Variants in ZNF607 observed in about 807,000 individuals in gnomAD.
ZNF607 encodes zinc finger protein 607.
In ZNF607, 5 loss-of-function variants were observed where a neutral mutation model predicts 12.8. The observed-to-expected ratio is 0.39, with a 90% CI of 0.20 to 0.82. The LOEUF (loss-of-function observed/expected upper bound fraction) is 0.82. Among genes scored for constraint, ZNF607 ranks in the 40% least tolerant of loss-of-function variants. ZNF607 has a pLI of 0.39. For missense variants in ZNF607, 851 were observed against 859.2 expected, an observed-to-expected ratio of 0.99 and a Z score of 0.12; for synonymous variants, 287 against 276.2, an observed-to-expected ratio of 1.04 and a Z score of -0.39.
rs764880767 is a variant in ZNF607, at chr19:37,698,757, A to G, written c.1374T>C (p.Phe458=). The part of the protein sequence containing the change: ...PFECKECGKS[F]RCASYLVIHE... ...GTATAACAAGATATGAGGCACAACG[A>G]AAGGACTTCCCACATTCTTTACATT... Residue 458 remains phenylalanine (F), a synonymous_variant, in exon 5 of 5, where the codon TTT becomes TTC. Transcript: ENST00000355202. 1 of 1,613,832 alleles carries G rather than the reference A, an allele frequency of 6.2e-7. No individual in the cohort carries two copies. The highest frequency in any genetic ancestry group is 1.1e-5 in the South Asian group (1 of 91,078).
Position 37,711,615 on chromosome 19 carries a change from A to C in ZNF607, c.4T>G (p.Ser2Ala), listed in dbSNP as rs2909097. 1,612,733 of 1,613,974 alleles carry C rather than the reference A, an allele frequency of 1. 805,761 individuals are homozygous for C. The highest frequency in any genetic ancestry group is 1 in the Middle Eastern group (6,062 of 6,062). The change falls in exon 2 of 5, where the codon TCC (serine) becomes GCC (alanine). Residue 2 changes from serine to alanine, a missense_variant. Ser to Ala is a moderately conservative substitution (Grantham distance 99, BLOSUM62 1). Transcript: ENST00000355202. Reference protein sequence around the residue: MSYGSITFGDVA... With the variant: MAYGSITFGDVA... ...GGCGAGAAATATCAACTTACATAGG[A>C]CATGGTTTGAGACTGGCAAGAGTTG... is the stretch of plus-strand genomic sequence containing the variant.
intron 1 of ZNF607, among the ~76,000 whole-genome samples, chr19:37,717,311 G>A (rs977201644): frequency 1.3e-5 from 2 of 151,970 alleles, no homozygotes; most frequent in African/African-American, 4.8e-5. Flanking sequence ...TCAGTCTCCC[G>A]ACTAGCTGGG....
chr19:37,707,121 C>T (rs139826195), intron 4 of ZNF607, among the ~76,000 whole-genome samples: 39 of 152,110 alleles, frequency 2.6e-4, no homozygotes, highest in African/African-American at 8.4e-4. Flanking sequence ...CCACTGAGCC[C>T]GGCCAAAATT....
rs898325405 is a variant in ZNF607, at chr19:37,702,770, A to G, written c.236-2875T>C. Among the ~76,000 whole-genome samples, 3 of 152,196 alleles carry G rather than the reference A, an allele frequency of 2.0e-5. No individual in the cohort carries two copies. In the East Asian group the frequency reaches 5.8e-4, roughly 29 times the overall value. ...ACATGGAAATTATAACATGAAGGGT[A>G]AAGGTGGATATAAACCTATAAAAAT... On this transcript the variant is annotated intron_variant, in intron 4 of 4. Transcript: ENST00000355202.
At chr19:37,713,425 A>G (rs760447392) in intron 1 of ZNF607, among the ~76,000 whole-genome samples, 34 of 151,826 alleles carry the variant, frequency 2.2e-4, no homozygotes, top group Non-Finnish European at 2.8e-4. Context: ...AGAAGCACTT[A>G]ATAAAAGTCT....
intron 4 of ZNF607, among the ~76,000 whole-genome samples, chr19:37,702,083 C>A (rs1452548738): frequency 1.3e-5 from 2 of 151,638 alleles, no homozygotes; most frequent in Non-Finnish European, 2.9e-5. Context: ...GTCAGGAGTT[C>A]GAGACCAGCC....
At chr19:37,714,417 TA>T (rs1010622436) in intron 1 of ZNF607, among the ~76,000 whole-genome samples, 13 of 151,412 alleles carry the variant, frequency 8.6e-5, no homozygotes, top group Non-Finnish European at 1.8e-4. Flanking sequence ...TAAAAAAAAT[TA>T]GCTGGGCATG....
chr19:37,709,949 G>A (rs1001340482), intron 2 of ZNF607, 127 bp from the exon 3 acceptor site: 1 of 994,166 alleles, frequency 1.0e-6, no homozygotes, highest in African/African-American at 1.6e-5. Context: ...GAGGTCAAGA[G>A]ATGAAGACCA....
At chr19:37,708,484 G>A (rs960975715) in intron 3 of ZNF607, among the ~76,000 whole-genome samples, 5 of 151,606 alleles carry the variant, frequency 3.3e-5, no homozygotes, top group Non-Finnish European at 7.4e-5. Flanking sequence ...ATGAGCCACC[G>A]TGCCCAGTCT....
In ZNF607 at chr19:37,697,075, T is replaced by C. The variant is rs2044981614; in HGVS notation, c.*965A>G. 3 of 743,120 alleles carry C rather than the reference T, an allele frequency of 4.0e-6. No individual in the cohort carries two copies. In the Admixed American group the frequency reaches 5.3e-5, roughly 13 times the overall value. The allele number at this position is 743,120 out of a possible 1,614,324, so 46.0% of individuals were successfully genotyped here. On this transcript the variant is annotated 3_prime_UTR_variant, in exon 5 of 5. Coordinates refer to ENST00000355202, the MANE Select transcript of ZNF607 (RefSeq NM_032689.5). The stretch of plus-strand genomic sequence containing the variant: ...ACACACTCATCGTAGTCCTCTCCAA[T>C]GCTGGTGAAGATGCGAGGAAGCTGG...
chr19:37,699,072 A>G lies in ZNF607; in HGVS notation c.1059T>C (p.Thr353=). 6.2e-7 allele frequency: 1 copy of G among 1,614,116 alleles called. No individual in the cohort carries two copies. Among genetic ancestry groups the G allele is most frequent in the Non-Finnish European group, 8.5e-7 (1 of 1,180,012 alleles). ...CAACACTTTCAAATGTATGAGGTGC[A>G]GTAAGTTGATGGCCACTACTAAAAG... The part of the protein sequence containing the change: ...GEAFSSGHQL[T]APHTFESVEK... The change falls in exon 5 of 5, where the codon ACT becomes ACC. Residue 353 remains threonine, a synonymous_variant. Transcript: ENST00000355202.
intron 4 of ZNF607, among the ~76,000 whole-genome samples, chr19:37,705,198 C>T (rs553200499): frequency 6.6e-6 from 1 of 151,924 alleles, no homozygotes; most frequent in South Asian, 2.1e-4. Flanking sequence ...CATAAATGAC[C>T]CATTTCAGGA....
In ZNF607 at chr19:37,709,716, T is replaced by C; in HGVS notation, c.116A>G (p.Tyr39Cys). Residue 39 changes from tyrosine (Y) to cysteine (C), a missense_variant, in exon 3 of 5, where the codon TAT becomes TGT. Coordinates refer to ENST00000355202, the MANE Select transcript of ZNF607 (RefSeq NM_032689.5). ...CATACCCAATGAGACTAAGTTGTCA[T>C]AGTTCTCCATCATCACCTCCTGGTA... ...TLYQEVMMEN[Y>C]DNLVSLAGHS... 1 of 1,613,972 alleles carries C rather than the reference T, an allele frequency of 6.2e-7. No individual in the cohort carries two copies.
chr19:37,698,466 AT>A lies in ZNF607; in HGVS notation c.1664del (p.His555LeufsTer169). The A allele has an allele frequency of 6.2e-7, 1 of 1,614,150 alleles. No individual in the cohort carries two copies. Among genetic ancestry groups the A allele is most frequent in the Non-Finnish European group, 8.5e-7 (1 of 1,180,022 alleles). ...TACATTCGTAGGGTTTCTCAGCGCT[AT>A]GAATATTCTGATGGGCTTTAAGTAC... Reference protein sequence around the residue: ...ISVLKAHQNIHSAEKPYECKE... With the variant: ...ISVLKAHQNIXSAEKPYECKE... On this transcript the variant is annotated frameshift_variant, in exon 5 of 5. Transcript: ENST00000355202. LOFTEE classifies it low-confidence loss of function (END_TRUNC).
chr19:37,698,008 C>T lies in ZNF607; in HGVS notation c.*32G>A. ...TAAATCCATTGACACAATGTGCTTT[C>T]TTTACTACCTGTATATGCCACAATT... On this transcript the variant is annotated 3_prime_UTR_variant, in exon 5 of 5. Transcript: ENST00000355202. The T allele has an allele frequency of 6.5e-7, 1 of 1,528,998 alleles. No homozygotes were observed. Among genetic ancestry groups the T allele is most frequent in the South Asian group, 1.3e-5 (1 of 76,676 alleles). The allele number at this position is 1,528,998 out of a possible 1,614,324, so 94.7% of individuals were successfully genotyped here.
chr19:37,708,804 C>T (rs140649909), intron 3 of ZNF607, among the ~76,000 whole-genome samples: 1,628 of 148,366 alleles, frequency 0.011, 28 homozygotes, highest in African/African-American at 0.038. Context: ...GCTAAGATCG[C>T]ACCACAGCAC....
chr19:37,698,409 T>C lies in ZNF607; in HGVS notation c.1722A>G (p.Thr574=), dbSNP rs376834941. The stretch of plus-strand genomic sequence containing the variant: ...GAGTTCGGTCATGATATATGAGGCT[T>C]GTGGCATGACGAAAGGCCTTGCCAC... The part of the protein sequence containing the change: ...KECGKAFRHA[T]SLIYHDRTHA... The change falls in exon 5 of 5, where the codon ACA becomes ACG. Residue 574 remains threonine, a synonymous_variant. Transcript: ENST00000355202. 4.3e-6 allele frequency: 7 copies of C among 1,614,214 alleles called. No homozygotes were observed. The African/African-American group carries it at 6.7e-5, about 15-fold the overall frequency.
At chr19:37,707,871 A>G (rs1284258409) in intron 4 of ZNF607, 43 bp downstream of exon 4, 1 of 1,469,450 alleles carries the variant, frequency 6.8e-7, no homozygotes, top group Non-Finnish European at 9.5e-7. Context: ...CACGAGGGCT[A>G]TTTGCATACA....
intron 4 of ZNF607, among the ~76,000 whole-genome samples, chr19:37,704,774 G>A (rs1368433905): frequency 2.0e-5 from 3 of 152,144 alleles, no homozygotes; most frequent in Non-Finnish European, 4.4e-5. Context: ...TGGCTAACAC[G>A]GTGAAACCTC....
Sources: allele counts gnomAD v4.1 joint callset (sites outside exome capture counted in the v4.1 genomes callset), GRCh38; gene constraint gnomAD v4.1.1; transcripts MANE v1.5; gene names NCBI Gene and HGNC (gene_info 2026-07-23, HGNC 2026-07-21).